ADGRL2: variants seen among roughly 807,000 people sequenced by gnomAD.
The protein encoded by ADGRL2 is adhesion G protein-coupled receptor L2.
In ADGRL2, 44 loss-of-function variants were observed where a neutral mutation model predicts 157.4. That is an observed-to-expected ratio of 0.28 (90% CI 0.22 to 0.36). ADGRL2 has a LOEUF of 0.36. ADGRL2 is among the 10% of genes least tolerant of loss of function. ADGRL2 has a pLI of 1.00. For synonymous variants in ADGRL2, 585 were observed against 624.7 expected, an observed-to-expected ratio of 0.94 and a Z score of 0.95; for missense variants, 1,510 against 1,768.9, an observed-to-expected ratio of 0.85 and a Z score of 2.63.
intron 3 of ADGRL2, among the ~76,000 whole-genome samples, chr1:81,931,105 T>C (rs1232345722): frequency 6.6e-6 from 1 of 152,182 alleles, no homozygotes; most frequent in Non-Finnish European, 1.5e-5. Flanking sequence ...GCCAAGATCG[T>C]GCCACTGCAC....
chr1:81,423,831 C>T (rs2077166938), intron 1 of ADGRL2, among the ~76,000 whole-genome samples: 1 of 152,042 alleles, frequency 6.6e-6, no homozygotes, highest in Non-Finnish European at 1.5e-5. Context: ...ATTACTGAAG[C>T]AAAGGTTAAA....
intron 2 of ADGRL2, among the ~76,000 whole-genome samples, chr1:81,850,697 A>G (rs2150500958): frequency 6.6e-6 from 1 of 152,104 alleles, no homozygotes. Context: ...ATAGCAACAC[A>G]GTACAATACA....
At chr1:81,789,007 C>T (rs565371991) in intron 2 of ADGRL2, among the ~76,000 whole-genome samples, 62 of 152,236 alleles carry the variant, frequency 4.1e-4, no homozygotes, top group African/African-American at 7.9e-4. Context: ...TGAGCCACTG[C>T]GCCTGGTCTG....
chr1:81,752,749 C>T (rs547165805), intron 1 of ADGRL2, among the ~76,000 whole-genome samples: 8 of 152,268 alleles, frequency 5.3e-5, no homozygotes, highest in Non-Finnish European at 7.4e-5. Context: ...CCACTGTGCC[C>T]AGTTGGTTTT....
At chr1:81,635,370 T>TG (rs1291924130) in intron 3 of ADGRL2, among the ~76,000 whole-genome samples, 2 of 152,206 alleles carry the variant, frequency 1.3e-5, no homozygotes, top group African/African-American at 2.4e-5. Context: ...CTTTTGCAGG[T>TG]GCTCTGCCTT....
At chr1:81,691,876 G>GTTTATATATATATATATATATATATA (rs1164948316) in intron 3 of ADGRL2, among the ~76,000 whole-genome samples, 1 of 82,274 alleles carries the variant, frequency 1.2e-5, no homozygotes, top group South Asian at 3.3e-4. Flanking sequence ...GGGTGTGTGT[G>GTTTATATATATATATATATATATATA]TGTGTATATA....
intron 1 of ADGRL2, among the ~76,000 whole-genome samples, chr1:81,325,903 A>C (rs2100659845): frequency 6.6e-6 from 1 of 152,212 alleles, no homozygotes; most frequent in South Asian, 2.1e-4. Context: ...GTGATGATTT[A>C]TTCTAGGCCC....
intron 2 of ADGRL2, among the ~76,000 whole-genome samples, chr1:81,762,814 A>G (rs1440695695): frequency 3.9e-5 from 6 of 152,142 alleles, no homozygotes; most frequent in African/African-American, 1.4e-4. Flanking sequence ...GCACTTTGAG[A>G]GGCCGAGGCA....
At chr1:81,316,312 A>G (rs1034509048) in intron 1 of ADGRL2, among the ~76,000 whole-genome samples, 1 of 152,134 alleles carries the variant, frequency 6.6e-6, no homozygotes, top group Admixed American at 6.5e-5. Context: ...CATTATTTTA[A>G]TTACCTTTTG....
At chr1:81,464,850 A>G (rs1396645808) in intron 2 of ADGRL2, among the ~76,000 whole-genome samples, 1 of 151,836 alleles carries the variant, frequency 6.6e-6, no homozygotes, top group Non-Finnish European at 1.5e-5. Flanking sequence ...AATATCCGTG[A>G]TATTCAAAGA....
At chr1:81,548,315 G>A (rs1570461827) in intron 2 of ADGRL2, among the ~76,000 whole-genome samples, 1 of 151,940 alleles carries the variant, frequency 6.6e-6, no homozygotes, top group South Asian at 2.1e-4. Flanking sequence ...GCTGAAAAAT[G>A]CTGCTCCAGC....
At chr1:81,619,315 C>A (rs957691625) in intron 3 of ADGRL2, among the ~76,000 whole-genome samples, 1 of 152,012 alleles carries the variant, frequency 6.6e-6, no homozygotes, top group Non-Finnish European at 1.5e-5. Context: ...AAACCACCTG[C>A]CGTGCCTTTA....
intron 2 of ADGRL2, among the ~76,000 whole-genome samples, chr1:81,504,488 CTT>C (rs200190016): frequency 6.7e-6 from 1 of 149,702 alleles, no homozygotes; most frequent in Admixed American, 6.7e-5. Context: ...GTTTTGCTGA[CTT>C]TTTTTTTTAT....
chr1:81,934,304 C>T (rs2095277770), intron 3 of ADGRL2, among the ~76,000 whole-genome samples: 1 of 151,800 alleles, frequency 6.6e-6, no homozygotes, highest in South Asian at 2.1e-4. Flanking sequence ...GGTGTTGGTC[C>T]TCTTTCAAAC....
chr1:81,940,265 A>G (rs1647391408), intron 4 of ADGRL2, among the ~76,000 whole-genome samples: 1 of 151,516 alleles, frequency 6.6e-6, no homozygotes, highest in African/African-American at 2.4e-5. Context: ...AAAAGCATAC[A>G]GCTGTATATA....
chr1:81,687,551 C>T (rs2148977391), intron 3 of ADGRL2, among the ~76,000 whole-genome samples: 1 of 152,280 alleles, frequency 6.6e-6, no homozygotes, highest in East Asian at 1.9e-4. Flanking sequence ...TTAGGTGAGT[C>T]TCCTGAAGGC....
intron 2 of ADGRL2, among the ~76,000 whole-genome samples, chr1:81,494,286 G>T (rs895018751): frequency 6.6e-6 from 1 of 152,094 alleles, no homozygotes; most frequent in African/African-American, 2.4e-5. Flanking sequence ...ACAAGATAAT[G>T]TGTCCCATTT....
chr1:81,923,609 T>C (rs2095038962), intron 3 of ADGRL2, among the ~76,000 whole-genome samples: 1 of 152,182 alleles, frequency 6.6e-6, no homozygotes, highest in African/African-American at 2.4e-5. Flanking sequence ...ATTTCTGTAG[T>C]TTTTATTAAA....
At chr1:81,719,888 T>A (rs932209893) in intron 1 of ADGRL2, among the ~76,000 whole-genome samples, 1 of 152,176 alleles carries the variant, frequency 6.6e-6, no homozygotes, top group Admixed American at 6.5e-5. Context: ...TACCTGGTAG[T>A]CTATTTTTAA....
Sources: allele counts gnomAD v4.1 joint callset (sites outside exome capture counted in the v4.1 genomes callset), GRCh38; gene constraint gnomAD v4.1.1; transcripts MANE v1.5; gene names NCBI Gene and HGNC (gene_info 2026-07-23, HGNC 2026-07-21).